ADCK1: variants seen among roughly 807,000 people sequenced by gnomAD.
The protein encoded by ADCK1 is aarF domain containing kinase 1.
A neutral mutation model predicts 52.3 loss-of-function variants in ADCK1; 41 were observed. That is an observed-to-expected ratio of 0.78 (90% CI 0.61 to 1.02). The LOEUF (loss-of-function observed/expected upper bound fraction) is 1.02, where lower values mean the gene tolerates loss of function less well. Ranked by LOEUF, ADCK1 falls within the 50% of genes least tolerant of loss-of-function variation. The probability of loss-of-function intolerance (pLI) is 0.00; values close to 1 mark genes in which losing one functional copy is unlikely to be tolerated. For synonymous variants in ADCK1, 250 were observed against 274.6 expected (o/e 0.91, Z 0.89); for missense variants, 658 against 679.5 (o/e 0.97, Z 0.35).
chr14:77,900,576 G>C (rs1395895662), intron 6 of ADCK1: 4 of 452,712 alleles, frequency 8.8e-6, no homozygotes, highest in Middle Eastern at 6.5e-4. Flanking sequence ...AACAGAGCGA[G>C]ACTGCGTCTC....
At chr14:77,842,115 C>A (rs1306387424) in intron 3 of ADCK1, among the ~76,000 whole-genome samples, 2 of 151,952 alleles carry the variant, frequency 1.3e-5, no homozygotes, top group East Asian at 3.8e-4. Flanking sequence ...ACATGACACA[C>A]AAACAAACAA....
chr14:77,848,691 C>T lies in ADCK1; in HGVS notation c.220-10385C>T, dbSNP rs184740864. Among the ~76,000 whole-genome samples, 1,114 of 152,206 alleles carry T rather than the reference C, an allele frequency of 7.3e-3. 10 individuals carry two copies. Among genetic ancestry groups the T allele is most frequent in the Non-Finnish European group, 0.011 (779 of 68,008 alleles). ...ATGTTGGCCAGGATGATCTCCAACTCCTGACCTCAGGTGATCCTCTCACCT... is the reference window on the plus strand; with the variant it reads ...ATGTTGGCCAGGATGATCTCCAACTTCTGACCTCAGGTGATCCTCTCACCT... On this transcript the variant is annotated intron_variant, in intron 3 of 10. Coordinates refer to ENST00000238561, the MANE Select transcript of ADCK1 (RefSeq NM_020421.4).
chr14:77,876,217 C>CT (rs1348095067), intron 4 of ADCK1, among the ~76,000 whole-genome samples: 2 of 152,194 alleles, frequency 1.3e-5, no homozygotes, highest in African/African-American at 4.8e-5. Context: ...CTTTTCTTGG[C>CT]TTTTCCAGCT....
chr14:77,852,907 ATTTTTTTTT>A (rs71303864), intron 3 of ADCK1, among the ~76,000 whole-genome samples: 23 of 28,946 alleles, frequency 7.9e-4, no homozygotes, highest in East Asian at 2.5e-3. Context: ...ATATATATAT[ATTTTTTTTT>A]TTTTTTTTTT....
At chr14:77,809,075 T>C (rs1186266216) in intron 1 of ADCK1, among the ~76,000 whole-genome samples, 1 of 152,092 alleles carries the variant, frequency 6.6e-6, no homozygotes, top group Non-Finnish European at 1.5e-5. Context: ...GAGGTATATT[T>C]TGGGAGAAAA....
At chr14:77,812,159 C>G (rs2081349679) in intron 1 of ADCK1, among the ~76,000 whole-genome samples, 1 of 152,110 alleles carries the variant, frequency 6.6e-6, no homozygotes, top group Non-Finnish European at 1.5e-5. Context: ...AAGATCTGCT[C>G]TCTCAGCAAA....
intron 1 of ADCK1, among the ~76,000 whole-genome samples, chr14:77,815,859 A>C: frequency 7.5e-6 from 1 of 133,336 alleles, no homozygotes. Context: ...TCTGTTGCCC[A>C]AGCTGGAGTG....
At chr14:77,916,852 T>A (rs147995886) in intron 7 of ADCK1, among the ~76,000 whole-genome samples, 35 of 152,352 alleles carry the variant, frequency 2.3e-4, no homozygotes, top group African/African-American at 7.9e-4. Flanking sequence ...TTGGACTCCA[T>A]GCTGGGCAGC....
At chr14:77,802,426 C>T (rs1310737488) in intron 1 of ADCK1, among the ~76,000 whole-genome samples, 2 of 151,958 alleles carry the variant, frequency 1.3e-5, no homozygotes, top group Admixed American at 1.3e-4. Flanking sequence ...GTTGTCTATT[C>T]TGGGACCTTG....
chr14:77,921,093 G>C (rs539740392), intron 7 of ADCK1, among the ~76,000 whole-genome samples: 4 of 151,728 alleles, frequency 2.6e-5, no homozygotes, highest in African/African-American at 9.7e-5. Context: ...TTGGGAGGCC[G>C]AGGAGGGCAG....
chr14:77,877,359 T>C (rs554420578), intron 4 of ADCK1, among the ~76,000 whole-genome samples: 2 of 152,348 alleles, frequency 1.3e-5, no homozygotes, highest in East Asian at 3.9e-4. Context: ...ATGGAGCTGC[T>C]GTAAGTGAAG....
chr14:77,829,974 G>A (rs1236115421), intron 3 of ADCK1, among the ~76,000 whole-genome samples: 2 of 151,140 alleles, frequency 1.3e-5, no homozygotes, highest in South Asian at 2.1e-4. Context: ...CTGGAGACTA[G>A]GAGAGTGAAG....
chr14:77,931,501 C>T lies in ADCK1; in HGVS notation c.1207-17C>T. On this transcript the variant is annotated splice_polypyrimidine_tract_variant and intron_variant, in intron 9 of 10. Transcript: ENST00000238561. ...CCATACCAACCATCTGTTTCTGTTG[C>T]CCCATTGCTGCTTCAGGACTTAGAG... The T allele has an allele frequency of 6.2e-7, 1 of 1,608,796 alleles. No individual in the cohort carries two copies. Among genetic ancestry groups the T allele is most frequent in the East Asian group, 2.2e-5 (1 of 44,784 alleles).
At chr14:77,830,394 A>T (rs2140060657) in intron 3 of ADCK1, among the ~76,000 whole-genome samples, 1 of 151,216 alleles carries the variant, frequency 6.6e-6, no homozygotes, top group East Asian at 2.0e-4. Flanking sequence ...ACCTCAAATG[A>T]TCTGCCTGCC....
chr14:77,933,197 C>T, intron 10 of ADCK1, 23 bp from the exon 11 acceptor site: 1 of 1,608,648 alleles, frequency 6.2e-7, no homozygotes. Flanking sequence ...CTCTTTTCTC[C>T]TTTTTTCTTT....
chr14:77,859,000 C>T, intron 3 of ADCK1, 76 bp from the exon 4 acceptor site: 3 of 1,381,566 alleles, frequency 2.2e-6, no homozygotes, highest in Non-Finnish European at 2.9e-6. Context: ...TCAAGCAGAG[C>T]AGGAAGGTGA....
At chr14:77,840,992 C>T (rs1223494440) in intron 3 of ADCK1, among the ~76,000 whole-genome samples, 2 of 152,088 alleles carry the variant, frequency 1.3e-5, no homozygotes, top group African/African-American at 2.4e-5. Flanking sequence ...AATCTTCATT[C>T]CCTGTGCCAT....
chr14:77,922,618 G>A (rs775318725), intron 7 of ADCK1, among the ~76,000 whole-genome samples: 2 of 152,114 alleles, frequency 1.3e-5, no homozygotes, highest in Admixed American at 6.5e-5. Context: ...AGGTCACAGC[G>A]CTCAATTGAA....
intron 6 of ADCK1, among the ~76,000 whole-genome samples, chr14:77,905,087 A>G (rs895075210): frequency 6.6e-6 from 1 of 152,098 alleles, no homozygotes; most frequent in Non-Finnish European, 1.5e-5. Flanking sequence ...TGAAGCTCCC[A>G]TGACAAATTC....
Sources: gnomAD v4.1 joint callset for allele counts (sites outside exome capture counted in the v4.1 genomes callset) on GRCh38, gnomAD v4.1.1 for gene constraint, MANE v1.5 for transcripts, NCBI Gene and HGNC (gene_info 2026-07-23, HGNC 2026-07-21) for gene names.